SOS1: variants seen among roughly 807,000 people sequenced by gnomAD.
SOS1 encodes the protein SOS Ras/Rac guanine nucleotide exchange factor 1.
SOS1 carries 25 observed loss-of-function variants against 157.6 expected under a neutral mutation model. The observed-to-expected ratio is 0.16, with a 90% CI of 0.12 to 0.22. The LOEUF (loss-of-function observed/expected upper bound fraction) is 0.22. Ranked by LOEUF, SOS1 falls within the 10% of genes least tolerant of loss-of-function variation. The probability of loss-of-function intolerance (pLI) is 1.00; values close to 1 mark genes in which losing one functional copy is unlikely to be tolerated. For missense variants in SOS1, 1,237 were observed against 1,599.1 expected (o/e 0.77, Z 3.86); for synonymous variants, 528 against 534.0 (o/e 0.99, Z 0.16).
At chr2:39,003,377 T>G (rs1253413510) in intron 17 of SOS1, among the ~76,000 whole-genome samples, 1 of 152,150 alleles carries the variant, frequency 6.6e-6, no homozygotes, top group East Asian at 1.9e-4. Flanking sequence ...GTAGTAAAAT[T>G]ATACTTTATC....
chr2:38,988,773 TTTTG>T (rs1369862961), intron 21 of SOS1, among the ~76,000 whole-genome samples: 3 of 152,154 alleles, frequency 2.0e-5, no homozygotes, highest in African/African-American at 7.2e-5. Context: ...TGGAACTTTA[TTTTG>T]TTTATCAGTA....
In SOS1 at chr2:38,984,844, A is replaced by T. The variant is rs1005541135; in HGVS notation, c.*980T>A. The T allele has an allele frequency of 6.6e-6, 1 of 152,212 alleles. No homozygotes were observed. Among genetic ancestry groups the T allele is most frequent in the African/African-American group, 2.4e-5 (1 of 41,462 alleles). 9.4% of individuals were successfully genotyped at this position (152,212 alleles called of 1,614,324 possible). On this transcript the variant is annotated 3_prime_UTR_variant, in exon 23 of 23. Coordinates refer to ENST00000402219, the MANE Select transcript of SOS1 (RefSeq NM_005633.4). ...ATGCAAGATAATTCTAGATATGCTG[A>T]TTACTCAACTATGTGTAAAACATGA... is the stretch of plus-strand genomic sequence containing the variant.
intron 10 of SOS1, among the ~76,000 whole-genome samples, chr2:39,015,094 G>A (rs1166808756): frequency 6.6e-6 from 1 of 151,910 alleles, no homozygotes; most frequent in Non-Finnish European, 1.5e-5. Context: ...TAAACTCATC[G>A]GCCACAGGAA....
intron 1 of SOS1, among the ~76,000 whole-genome samples, chr2:39,074,744 G>A (rs62142809): frequency 0.043 from 6,528 of 151,588 alleles, 217 homozygotes; most frequent in Non-Finnish European, 0.064. Flanking sequence ...GCACGTGCCT[G>A]TAATCCCAGC....
intron 6 of SOS1, among the ~76,000 whole-genome samples, chr2:39,050,511 A>C (rs1670970865): frequency 6.6e-6 from 1 of 152,168 alleles, no homozygotes; most frequent in Non-Finnish European, 1.5e-5. Context: ...AGTATCTCTT[A>C]CCCAAAATGA....
chr2:39,067,557 C>T (rs1004333959), intron 2 of SOS1, 71 bp downstream of exon 2: 7 of 1,380,594 alleles, frequency 5.1e-6, no homozygotes, highest in South Asian at 1.2e-5. Flanking sequence ...CAAATTCTTT[C>T]CCTGTTCACT....
chr2:39,114,495 G>A (rs1294998525), intron 1 of SOS1, among the ~76,000 whole-genome samples: 2 of 152,032 alleles, frequency 1.3e-5, no homozygotes, highest in Admixed American at 6.6e-5. Context: ...TAGAGATGGG[G>A]TTTCTCCATG....
intron 10 of SOS1, among the ~76,000 whole-genome samples, chr2:39,017,709 TTC>T (rs1180897352): frequency 1.3e-5 from 2 of 152,058 alleles, no homozygotes; most frequent in African/African-American, 4.8e-5. Context: ...TTAATTTATA[TTC>T]TGTTTTTAGT....
chr2:38,989,435 C>T, intron 20 of SOS1, 121 bp from the exon 21 acceptor site: 1 of 702,518 alleles, frequency 1.4e-6, no homozygotes, highest in Non-Finnish European at 2.6e-6. Context: ...AATGCTGTAA[C>T]AGTTTATAGT....
chr2:39,092,008 A>C (rs1325174642), intron 1 of SOS1, among the ~76,000 whole-genome samples: 2 of 152,100 alleles, frequency 1.3e-5, no homozygotes, highest in Non-Finnish European at 2.9e-5. Flanking sequence ...TACGCCCACA[A>C]AAGTCTGTTT....
chr2:39,104,631 A>G (rs183023602), intron 1 of SOS1, among the ~76,000 whole-genome samples: 3 of 152,358 alleles, frequency 2.0e-5, no homozygotes, highest in Non-Finnish European at 2.9e-5. Context: ...ATGAATTGCA[A>G]ATAGGGACTT....
chr2:39,023,943 G>A, intron 9 of SOS1, 67 bp downstream of exon 9: 1 of 1,113,246 alleles, frequency 9.0e-7, no homozygotes, highest in Non-Finnish European at 1.4e-6. Flanking sequence ...GGAGGGAACT[G>A]GGATCCCTGA....
At chr2:38,995,008 G>T in intron 20 of SOS1, 115 bp downstream of exon 20, 1 of 790,892 alleles carries the variant, frequency 1.3e-6, no homozygotes, top group Non-Finnish European at 2.1e-6. Flanking sequence ...TTTTGAAATG[G>T]CATTTGACTT....
intron 1 of SOS1, among the ~76,000 whole-genome samples, chr2:39,069,325 A>G (rs747089596): frequency 6.6e-6 from 1 of 150,518 alleles, no homozygotes. Flanking sequence ...GGCTGCAGTG[A>G]GCTATGATTA....
chr2:39,046,792 C>T (rs1363120172), intron 6 of SOS1, among the ~76,000 whole-genome samples: 2 of 152,110 alleles, frequency 1.3e-5, no homozygotes, highest in South Asian at 2.1e-4. Context: ...TGCAAGCCAC[C>T]GGCCTACATC....
At chr2:38,987,401 A>C (rs993348304) in intron 22 of SOS1, 72 bp downstream of exon 22, 27 of 795,566 alleles carry the variant, frequency 3.4e-5, no homozygotes, top group Non-Finnish European at 5.3e-5. Context: ...AGTGAGAACT[A>C]AACTAGACAG....
intron 1 of SOS1, among the ~76,000 whole-genome samples, chr2:39,088,963 G>A (rs1368882781): frequency 6.6e-6 from 1 of 152,068 alleles, no homozygotes; most frequent in Non-Finnish European, 1.5e-5. Context: ...ACATCCATAT[G>A]GCTGTCCTTT....
chr2:39,038,732 C>CAAAA lies in SOS1; in HGVS notation c.865-3236_865-3233dup, dbSNP rs534107281. ...CTGGCAACAAAATGAGACTCCGTCT[C>CAAAA]AAAAAAAAAAAAAAAAGTCGTTTCT... On this transcript the variant is annotated intron_variant, in intron 6 of 22. Transcript: ENST00000402219. Among the ~76,000 whole-genome samples, 21 of 18,218 alleles carry CAAAA rather than the reference C, an allele frequency of 1.2e-3. 4 individuals carry two copies. Among genetic ancestry groups the CAAAA allele is most frequent in the East Asian group, 4.0e-3 (3 of 742 alleles). 12.0% of individuals were successfully genotyped at this position (18,218 alleles called of 152,430 possible).
intron 1 of SOS1, among the ~76,000 whole-genome samples, chr2:39,108,157 ATCTC>A (rs1673275303): frequency 6.6e-6 from 1 of 152,026 alleles, no homozygotes; most frequent in Non-Finnish European, 1.5e-5. Context: ...CTGCCTCTAA[ATCTC>A]TCTAATTAAT....
Sources: allele counts gnomAD v4.1 joint callset (sites outside exome capture counted in the v4.1 genomes callset), GRCh38; gene constraint gnomAD v4.1.1; transcripts MANE v1.5; gene names NCBI Gene and HGNC (gene_info 2026-07-23, HGNC 2026-07-21).